LRP2: variants seen among roughly 807,000 people sequenced by gnomAD.
LRP2 encodes the protein LDL receptor related protein 2.
LRP2 carries 172 observed loss-of-function variants against 531.0 expected under a neutral mutation model. The observed-to-expected ratio is 0.32, with a 90% CI of 0.29 to 0.37. The LOEUF is 0.37. Ranked by LOEUF, LRP2 falls within the 10% of genes least tolerant of loss-of-function variation. LRP2 has a pLI of 1.00. For synonymous variants in LRP2, 1,992 were observed against 2,027.6 expected (o/e 0.98, Z 0.47); for missense variants, 5,167 against 5,868.3 (o/e 0.88, Z 3.90).
At chr2:169,275,343 T>G (rs1008005062) in intron 13 of LRP2, 105 bp from the exon 14 acceptor site, 1 of 836,388 alleles carries the variant, frequency 1.2e-6, no homozygotes, top group Admixed American at 2.0e-5. Context: ...AAATAATTTC[T>G]TGTCACAAAT....
At position 169,231,996 on chromosome 2, in the gene LRP2, T is replaced by C. The variant is rs2302692; in HGVS notation, c.5099-154A>G. 0.35 allele frequency among the ~76,000 whole-genome samples: 53,666 copies of C among 151,972 alleles called. 9,774 individuals carry two copies. Among genetic ancestry groups the C allele is most frequent in the South Asian group, 0.6 (2,885 of 4,812 alleles). ...TTGTTTTCTTTTGTTTTGTTTTCAC[T>C]GAACTACTCACACTTTCAACTTCCC... is the stretch of plus-strand genomic sequence containing the variant. On this transcript the variant is annotated intron_variant, in intron 30 of 78. Transcript: ENST00000649046.
At chr2:169,309,514 G>C (rs1348725733) in intron 3 of LRP2, among the ~76,000 whole-genome samples, 3 of 152,160 alleles carry the variant, frequency 2.0e-5, no homozygotes, top group Non-Finnish European at 4.4e-5. Context: ...TGTCAGGTTT[G>C]TCAAAGATCA....
chr2:169,343,055 G>A (rs1213869001), intron 1 of LRP2, among the ~76,000 whole-genome samples: 3 of 152,142 alleles, frequency 2.0e-5, no homozygotes, highest in Non-Finnish European at 4.4e-5. Flanking sequence ...TTGCCCAGAG[G>A]ACACATCTGA....
intron 63 of LRP2, among the ~76,000 whole-genome samples, chr2:169,161,895 A>AT (rs1021894838): frequency 1.3e-5 from 2 of 152,102 alleles, no homozygotes; most frequent in African/African-American, 4.8e-5. Context: ...TTGGCTTAAG[A>AT]TTTTTTTCAT....
intron 4 of LRP2, among the ~76,000 whole-genome samples, chr2:169,301,145 A>G (rs530999186): frequency 9.2e-5 from 14 of 152,260 alleles, no homozygotes; most frequent in African/African-American, 2.6e-4. Context: ...CTGCAAACCA[A>G]CGATAATTAG....
At chr2:169,319,889 A>T (rs904344032) in intron 2 of LRP2, among the ~76,000 whole-genome samples, 1 of 152,228 alleles carries the variant, frequency 6.6e-6, no homozygotes, top group Non-Finnish European at 1.5e-5. Flanking sequence ...CCCATTTTCA[A>T]ATGCGTTGTC....
intron 66 of LRP2, among the ~76,000 whole-genome samples, chr2:169,153,222 C>T (rs905246509): frequency 2.6e-5 from 4 of 152,164 alleles, no homozygotes; most frequent in Non-Finnish European, 5.9e-5. Flanking sequence ...TTCATTTAAA[C>T]GTATTTCAAC....
chr2:169,233,660 AT>A (rs1689496576), intron 29 of LRP2, 72 bp from the exon 30 acceptor site: 1 of 1,311,894 alleles, frequency 7.6e-7, no homozygotes, highest in Non-Finnish European at 1.1e-6. Context: ...CAAAGAGGAT[AT>A]CTGCTCAAGA....
chr2:169,164,799 A>C (rs112702706), intron 62 of LRP2, among the ~76,000 whole-genome samples: 1 of 152,258 alleles, frequency 6.6e-6, no homozygotes, highest in African/African-American at 2.4e-5. Flanking sequence ...AAAGAATAGA[A>C]GTTTATGGAT....
chr2:169,174,304 T>TG, intron 55 of LRP2, 140 bp from the exon 56 acceptor site: 3 of 979,548 alleles, frequency 3.1e-6, no homozygotes, highest in Non-Finnish European at 4.6e-6. Context: ...CAGTCAGTAC[T>TG]ACTACATGGA....
In LRP2 at chr2:169,289,875, A is replaced by G. The variant is rs1350996870; in HGVS notation, c.923-730T>C. Among the ~76,000 whole-genome samples the G allele has an allele frequency of 2.7e-5, 4 of 150,650 alleles. No homozygotes were observed. The East Asian group carries it at 8.4e-4, about 32-fold the overall frequency. On this transcript the variant is annotated intron_variant, in intron 8 of 78. Transcript: ENST00000649046. ...TTTAAGCTTTTTTAAATGGGCTCCC[A>G]AATGAAATAGAGAAAAAAATGCCAT... is the stretch of plus-strand genomic sequence containing the variant.
At chr2:169,176,925 T>A (rs549948550) in intron 53 of LRP2, among the ~76,000 whole-genome samples, 18 of 152,316 alleles carry the variant, frequency 1.2e-4, no homozygotes, top group African/African-American at 4.3e-4. Context: ...AAAGTTTTAA[T>A]TTCCAACAGA....
At chr2:169,158,061 T>C (rs367655516) in intron 63 of LRP2, among the ~76,000 whole-genome samples, 1,583 of 141,478 alleles carry the variant, frequency 0.011, 20 homozygotes, top group African/African-American at 0.026. Context: ...ATTGATTATA[T>C]ACACACACAC....
At chr2:169,279,346 A>C in intron 12 of LRP2, 26 bp downstream of exon 12, 1 of 1,532,506 alleles carries the variant, frequency 6.5e-7, no homozygotes, top group African/African-American at 1.4e-5. Flanking sequence ...AAAATACAGG[A>C]ATCAATATGT....
chr2:169,354,295 A>G (rs1685933465), intron 1 of LRP2, among the ~76,000 whole-genome samples: 1 of 152,228 alleles, frequency 6.6e-6, no homozygotes, highest in Admixed American at 6.5e-5. Context: ...CAAAGTTACC[A>G]GGAATCTTCA....
intron 9 of LRP2, among the ~76,000 whole-genome samples, chr2:169,284,871 T>A (rs1450310879): frequency 6.6e-6 from 1 of 152,184 alleles, no homozygotes; most frequent in Non-Finnish European, 1.5e-5. Flanking sequence ...GCAAGATCCA[T>A]GAGACCACGT....
At chr2:169,316,016 C>T (rs1185083673) in intron 3 of LRP2, among the ~76,000 whole-genome samples, 4 of 149,806 alleles carry the variant, frequency 2.7e-5, no homozygotes, top group African/African-American at 4.9e-5. Flanking sequence ...GCCATGCGCC[C>T]GTAGTCCCAG....
chr2:169,218,273 T>C (rs1158717200), intron 34 of LRP2, among the ~76,000 whole-genome samples: 1 of 152,184 alleles, frequency 6.6e-6, no homozygotes. Context: ...CTCAATTTTC[T>C]GTCCCTTTGC....
At chr2:169,307,005 C>A (rs1684437994) in intron 4 of LRP2, among the ~76,000 whole-genome samples, 1 of 152,128 alleles carries the variant, frequency 6.6e-6, no homozygotes. Context: ...ATTTAATTAT[C>A]CTTCCTTTCA....
Sources: gnomAD v4.1 joint callset for allele counts (sites outside exome capture counted in the v4.1 genomes callset) on GRCh38, gnomAD v4.1.1 for gene constraint, MANE v1.5 for transcripts, NCBI Gene and HGNC (gene_info 2026-07-23, HGNC 2026-07-21) for gene names.